The following EPB41L1 variants were observed in gnomAD, a reference collection of about 807,000 sequenced individuals.
EPB41L1 encodes band 4.1-like protein 1.
In EPB41L1, 29 loss-of-function variants were observed where a neutral mutation model predicts 97.8. That is an observed-to-expected ratio of 0.30 (90% CI 0.22 to 0.40). The LOEUF (loss-of-function observed/expected upper bound fraction) is 0.40. Ranked by LOEUF, EPB41L1 falls within the 10% of genes least tolerant of loss-of-function variation. The pLI is 1.00. For missense variants in EPB41L1, 812 were observed against 1,162.3 expected (o/e 0.70, Z 4.38); for synonymous variants, 383 against 459.2 (o/e 0.83, Z 2.12).
chr20:36,136,589 CTTT>C (rs200537490), intron 2 of EPB41L1, among the ~76,000 whole-genome samples: 2 of 143,232 alleles, frequency 1.4e-5, no homozygotes, highest in African/African-American at 2.6e-5. Context: ...TTTTTTCTTT[CTTT>C]TTTTTTTTTT....
Position 36,230,064 on chromosome 20 carries a change from C to CCCCCTTCCCCCTT in EPB41L1, c.*729_*741dup, listed in dbSNP as rs1414708776. On this transcript the variant is annotated 3_prime_UTR_variant, in exon 22 of 22. Coordinates refer to ENST00000338074, the MANE Select transcript of EPB41L1 (RefSeq NM_012156.2). ...TCATTTTCTGTCTCGGCTCCCTCCT[C>CCCCCTTCCCCCTT]CCCCTTCCCCCTTCCCCCACCCCAC... The CCCCCTTCCCCCTT allele has an allele frequency of 2.1e-5, 3 of 144,396 alleles. No individual in the cohort carries two copies. Among genetic ancestry groups the CCCCCTTCCCCCTT allele is most frequent in the African/African-American group, 7.8e-5 (3 of 38,644 alleles). The allele number at this position is 144,396 out of a possible 1,614,324, so 8.9% of individuals were successfully genotyped here.
chr20:36,186,724 C>T (rs374384257), intron 7 of EPB41L1, among the ~76,000 whole-genome samples: 1 of 152,252 alleles, frequency 6.6e-6, no homozygotes, highest in African/African-American at 2.4e-5. Flanking sequence ...CATAATAATT[C>T]AGAGAAAGAT....
At chr20:36,168,145 G>A (rs1386779698) in intron 1 of EPB41L1, among the ~76,000 whole-genome samples, 1 of 152,194 alleles carries the variant, frequency 6.6e-6, no homozygotes, top group African/African-American at 2.4e-5. Flanking sequence ...GCCCCTGGAA[G>A]GTGAGCTAGA....
chr20:36,214,979 T>C (rs974276576), intron 17 of EPB41L1, among the ~76,000 whole-genome samples: 8 of 151,560 alleles, frequency 5.3e-5, no homozygotes, highest in African/African-American at 1.5e-4. Flanking sequence ...AGGAAGGCCC[T>C]TGGCCTGAGG....
chr20:36,160,010 A>T (rs377135336), intron 1 of EPB41L1, among the ~76,000 whole-genome samples: 1 of 152,234 alleles, frequency 6.6e-6, no homozygotes, highest in Non-Finnish European at 1.5e-5. Flanking sequence ...ATCCATGAAC[A>T]TTAGTGGAGA....
intron 2 of EPB41L1, among the ~76,000 whole-genome samples, chr20:36,129,375 A>T (rs1200153970): frequency 6.6e-6 from 1 of 151,932 alleles, no homozygotes; most frequent in Non-Finnish European, 1.5e-5. Flanking sequence ...CCTGGTTTGC[A>T]TTGTAAATAC....
rs561994874 is a variant in EPB41L1 at position 36,206,999 on chromosome 20, G to A, written c.1669-2489G>A. The stretch of plus-strand genomic sequence containing the variant: ...AGAGGCAACTTCCCACCCAAAGAGA[G>A]GGGAGTGGTTCCCACCCAGAAAGGA... On this transcript the variant is annotated intron_variant, in intron 14 of 21. Coordinates refer to ENST00000338074, the MANE Select transcript of EPB41L1 (RefSeq NM_012156.2). This position sits in a 1 kb window ranked among gnomAD's most constrained non-coding sequence, Gnocchi z 5.5. 8 of 1,289,990 alleles carry A rather than the reference G, an allele frequency of 6.2e-6. No individual in the cohort carries two copies. Among genetic ancestry groups the A allele is most frequent in the Non-Finnish European group, 8.1e-6 (8 of 988,908 alleles). The allele number at this position is 1,289,990 out of a possible 1,614,324, so 79.9% of individuals were successfully genotyped here.
At chr20:36,161,293 CT>C (rs2060514014) in intron 1 of EPB41L1, among the ~76,000 whole-genome samples, 2 of 152,198 alleles carry the variant, frequency 1.3e-5, no homozygotes, top group Admixed American at 1.3e-4. Flanking sequence ...CTTGGACAAG[CT>C]TTCTACCTTC....
rs1295824390 is a variant in EPB41L1 at position 36,222,387 on chromosome 20, A to C, written c.2630A>C (p.Lys877Thr). Residue 877 changes from lysine (K) to threonine (T), a missense_variant, in exon 21 of 22, where the codon AAG becomes ACG. Coordinates refer to ENST00000338074, the MANE Select transcript of EPB41L1 (RefSeq NM_012156.2). ...TDPSPEERDK[K>T]PQES ...CCATCCCCAGAGGAGAGGGACAAGA[A>C]GCCACAGGTAAGGCTCCTGAGGCCC... 1 of 1,613,546 alleles carries C rather than the reference A, an allele frequency of 6.2e-7. No homozygotes were observed. Among genetic ancestry groups the C allele is most frequent in the South Asian group, 1.1e-5 (1 of 91,052 alleles).
chr20:36,111,482 A>G (rs2058399312), intron 1 of EPB41L1, among the ~76,000 whole-genome samples: 1 of 152,140 alleles, frequency 6.6e-6, no homozygotes, highest in Admixed American at 6.5e-5. Flanking sequence ...CAGGATGTGA[A>G]TGCTAAAAAG....
intron 6 of EPB41L1, among the ~76,000 whole-genome samples, chr20:36,182,587 T>A (rs868299802): frequency 3.3e-5 from 5 of 152,194 alleles, no homozygotes; most frequent in African/African-American, 1.2e-4. Context: ...CAGGGAACTG[T>A]GGGGCCTTTT....
chr20:36,228,015 G>C (rs2064278395), intron 21 of EPB41L1, among the ~76,000 whole-genome samples: 1 of 152,348 alleles, frequency 6.6e-6, no homozygotes, highest in African/African-American at 2.4e-5. Flanking sequence ...TTGGGTTTTA[G>C]TCTTGGTTTT....
Position 36,232,255 on chromosome 20 carries a change from T to C in EPB41L1, c.*2915T>C. 1 of 223,132 alleles carries C rather than the reference T, an allele frequency of 4.5e-6. No individual in the cohort carries two copies. Among genetic ancestry groups the C allele is most frequent in the Non-Finnish European group, 8.7e-6 (1 of 115,118 alleles). 13.8% of individuals were successfully genotyped at this position (223,132 alleles called of 1,614,324 possible). On this transcript the variant is annotated 3_prime_UTR_variant, in exon 22 of 22. Coordinates refer to ENST00000338074, the MANE Select transcript of EPB41L1 (RefSeq NM_012156.2). ...TCTCTTTTTTGTTTCTCATCCTCTC[T>C]GTGCCACCTCTCCACCCAGGAGGCC...
chr20:36,179,592 G>A (rs1242628507), intron 5 of EPB41L1, among the ~76,000 whole-genome samples: 1 of 152,244 alleles, frequency 6.6e-6, no homozygotes, highest in African/African-American at 2.4e-5. Context: ...GGGGGTGGTA[G>A]GTGGCCTCAG....
At chr20:36,112,998 C>T (rs2058457837) in intron 2 of EPB41L1, among the ~76,000 whole-genome samples, 1 of 152,206 alleles carries the variant, frequency 6.6e-6, no homozygotes, top group Non-Finnish European at 1.5e-5. Context: ...CAGCAGGGAA[C>T]TCTCCTTTTT....
intron 9 of EPB41L1, among the ~76,000 whole-genome samples, chr20:36,188,753 G>A (rs1699212080): frequency 6.6e-6 from 1 of 151,766 alleles, no homozygotes; most frequent in Non-Finnish European, 1.5e-5. Context: ...GCCGAGGAAG[G>A]TGGATCACAT....
chr20:36,151,456 G>A (rs555524769), upstream of EPB41L1: 1 of 152,322 alleles, frequency 6.6e-6, no homozygotes, highest in East Asian at 1.9e-4. Context: ...AGAAATGGTA[G>A]CGCTAGGGCT....
intron 1 of EPB41L1, among the ~76,000 whole-genome samples, chr20:36,167,005 T>G (rs1451894495): frequency 6.6e-6 from 1 of 152,216 alleles, no homozygotes; most frequent in Non-Finnish European, 1.5e-5. Context: ...TTAATGCCTC[T>G]GAATTGTTAC....
chr20:36,138,891 T>C (rs934562432), intron 2 of EPB41L1, among the ~76,000 whole-genome samples: 1 of 152,166 alleles, frequency 6.6e-6, no homozygotes, highest in Admixed American at 6.5e-5. Context: ...CATTTTTTTT[T>C]TCTCTCTTGC....
Sources: allele counts gnomAD v4.1 joint callset (sites outside exome capture counted in the v4.1 genomes callset), GRCh38; gene constraint gnomAD v4.1.1; non-coding constraint Gnocchi (gnomAD v3.1); transcripts MANE v1.5; gene names NCBI Gene and HGNC (gene_info 2026-07-23, HGNC 2026-07-21).